Variants in BLOC1S5 observed in about 807,000 individuals in gnomAD.
BLOC1S5 encodes biogenesis of lysosomal organelles complex 1 subunit 5.
A neutral mutation model predicts 24.3 loss-of-function variants in BLOC1S5; 27 were observed. The observed-to-expected ratio is 1.11, with a 90% CI of 0.82 to 1.53. The LOEUF (loss-of-function observed/expected upper bound fraction) is 1.53. Ranked by LOEUF, BLOC1S5 falls within the 40% of genes most tolerant of loss-of-function variation. The pLI is 0.00. For synonymous variants in BLOC1S5, 84 were observed against 74.5 expected (o/e 1.13, Z -0.66); for missense variants, 239 against 229.4 (o/e 1.04, Z -0.27).
At chr6:8,024,514 CAA>C (rs60853006) in intron 4 of BLOC1S5, among the ~76,000 whole-genome samples, 3,539 of 65,494 alleles carry the variant, frequency 0.054, 112 homozygotes, top group African/African-American at 0.18. Flanking sequence ...GACTCCATCT[CAA>C]AAAAAAAAAA....
At chr6:8,057,376 G>A (rs1414527770) in intron 2 of BLOC1S5, among the ~76,000 whole-genome samples, 4 of 152,052 alleles carry the variant, frequency 2.6e-5, no homozygotes, top group Admixed American at 6.5e-5. Flanking sequence ...GTAACTGTTC[G>A]CACTTATCAC....
chr6:8,047,827 A>C (rs140917161), intron 2 of BLOC1S5, among the ~76,000 whole-genome samples: 139 of 152,320 alleles, frequency 9.1e-4, no homozygotes, highest in African/African-American at 3.2e-3. Context: ...GTATACTCTC[A>C]ACAGCATCTT....
chr6:8,051,144 C>T (rs988597558), intron 2 of BLOC1S5, among the ~76,000 whole-genome samples: 1 of 149,994 alleles, frequency 6.7e-6, no homozygotes, highest in Non-Finnish European at 1.5e-5. Context: ...GCCGAGACTG[C>T]GCCACTGAAC....
chr6:8,028,847 G>A (rs775489504), intron 3 of BLOC1S5, among the ~76,000 whole-genome samples: 3 of 151,908 alleles, frequency 2.0e-5, no homozygotes, highest in Non-Finnish European at 2.9e-5. Context: ...AACAATTAGT[G>A]ACACCAAGAA....
intron 2 of BLOC1S5, among the ~76,000 whole-genome samples, chr6:8,049,366 C>T (rs1191239473): frequency 1.7e-5 from 2 of 116,840 alleles, no homozygotes; most frequent in Non-Finnish European, 3.7e-5. Context: ...AGCAAGACTT[C>T]GTCTCAAAAA....
chr6:8,054,957 T>A (rs1764260668), intron 2 of BLOC1S5, among the ~76,000 whole-genome samples: 1 of 152,256 alleles, frequency 6.6e-6, no homozygotes, highest in African/African-American at 2.4e-5. Context: ...TCACTCATGT[T>A]CCTTTTAGTT....
chr6:8,021,101 C>A (rs1055798817), intron 4 of BLOC1S5, among the ~76,000 whole-genome samples: 1 of 152,124 alleles, frequency 6.6e-6, no homozygotes, highest in African/African-American at 2.4e-5. Context: ...CATGCTACGG[C>A]ATGGACGAAT....
intron 2 of BLOC1S5, chr6:8,054,287 TGATA>T: frequency 2.2e-6 from 1 of 452,074 alleles, no homozygotes; most frequent in South Asian, 1.6e-5. Flanking sequence ...TTCTATTTTC[TGATA>T]GTTACACTAC....
intron 4 of BLOC1S5, among the ~76,000 whole-genome samples, chr6:8,022,993 TA>T (rs1354344119): frequency 6.6e-6 from 1 of 152,194 alleles, no homozygotes; most frequent in Non-Finnish European, 1.5e-5. Flanking sequence ...CAAGGTGAAT[TA>T]AAAGCATTCA....
rs934703787 is a variant in BLOC1S5 at position 8,041,060 on chromosome 6, C to G, written c.325+79G>C. The G allele has an allele frequency of 2.7e-6, 4 of 1,472,140 alleles. No homozygotes were observed. The African/African-American group carries it at 5.7e-5, about 21-fold the overall frequency. 91.2% of individuals were successfully genotyped at this position (1,472,140 alleles called of 1,614,324 possible). On this transcript the variant is annotated intron_variant, in intron 3 of 4. Coordinates refer to ENST00000397457, the MANE Select transcript of BLOC1S5 (RefSeq NM_201280.3). ...CTTCCCTCTCCCTCTCCACCTCCCC[C>G]CATAATACCCAAGAAAATACATTTT...
At chr6:8,021,151 A>G (rs1465730849) in intron 4 of BLOC1S5, among the ~76,000 whole-genome samples, 1 of 152,252 alleles carries the variant, frequency 6.6e-6, no homozygotes, top group Admixed American at 6.5e-5. Context: ...CAGTCAGAAA[A>G]GAGACAAATG....
chr6:8,044,040 T>C (rs1763785452), intron 2 of BLOC1S5, among the ~76,000 whole-genome samples: 1 of 152,034 alleles, frequency 6.6e-6, no homozygotes, highest in Non-Finnish European at 1.5e-5. Flanking sequence ...TCCCAGCACT[T>C]TGGGAAGCTG....
At chr6:8,030,960 G>C (rs1033936463) in intron 3 of BLOC1S5, among the ~76,000 whole-genome samples, 6 of 151,538 alleles carry the variant, frequency 4.0e-5, no homozygotes, top group Admixed American at 1.3e-4. Flanking sequence ...CAGCAAAACC[G>C]GTATAGAAGG....
At chr6:8,051,005 T>C (rs1358682565) in intron 2 of BLOC1S5, among the ~76,000 whole-genome samples, 1 of 151,650 alleles carries the variant, frequency 6.6e-6, no homozygotes, top group Non-Finnish European at 1.5e-5. Context: ...TTGGCCAACA[T>C]GGTGAAACCC....
chr6:8,025,460 G>A (rs887848102), intron 4 of BLOC1S5, among the ~76,000 whole-genome samples: 1 of 152,114 alleles, frequency 6.6e-6, no homozygotes, highest in Non-Finnish European at 1.5e-5. Flanking sequence ...CTTCCTGACT[G>A]GCCTGCGGGG....
intron 3 of BLOC1S5, 80 bp downstream of exon 3, chr6:8,041,059 C>A: frequency 5.5e-6 from 8 of 1,463,916 alleles, no homozygotes; most frequent in Non-Finnish European, 7.4e-6. Context: ...TCCACCTCCC[C>A]CCATAATACC....
intron 3 of BLOC1S5, among the ~76,000 whole-genome samples, chr6:8,038,692 G>C (rs573986783): frequency 6.6e-6 from 1 of 152,328 alleles, no homozygotes; most frequent in South Asian, 2.1e-4. Flanking sequence ...CACTGTGTTA[G>C]CCAGGATGGT....
chr6:8,044,997 T>G (rs1763831112), intron 2 of BLOC1S5, among the ~76,000 whole-genome samples: 1 of 152,210 alleles, frequency 6.6e-6, no homozygotes, highest in African/African-American at 2.4e-5. Context: ...AGGAGCCAAA[T>G]GTCAATCCCC....
At chr6:8,045,190 G>A (rs1400107464) in intron 2 of BLOC1S5, among the ~76,000 whole-genome samples, 1 of 152,228 alleles carries the variant, frequency 6.6e-6, no homozygotes, top group Non-Finnish European at 1.5e-5. Context: ...GCTGAAAGGG[G>A]CCGACATACA....
Sources: gnomAD v4.1 joint callset for allele counts (sites outside exome capture counted in the v4.1 genomes callset) on GRCh38, gnomAD v4.1.1 for gene constraint, MANE v1.5 for transcripts, NCBI Gene and HGNC (gene_info 2026-07-23, HGNC 2026-07-21) for gene names.